Variants in GRIN2A observed in about 807,000 individuals in gnomAD.
The protein encoded by GRIN2A is glutamate ionotropic receptor NMDA type subunit 2A, also known as glutamate receptor ionotropic, NMDA 2A.
GRIN2A carries 22 observed loss-of-function variants against 113.4 expected under a neutral mutation model. That is an observed-to-expected ratio of 0.19 (90% CI 0.14 to 0.28). The LOEUF is 0.28. Among genes scored for constraint, GRIN2A ranks in the 10% least tolerant of loss-of-function variants. The probability of loss-of-function intolerance (pLI) is 1.00; values close to 1 mark genes in which losing one functional copy is unlikely to be tolerated. For synonymous variants in GRIN2A, 827 were observed against 738.4 expected (o/e 1.12, Z -1.94); for missense variants, 1,502 against 1,887.0 (o/e 0.80, Z 3.78).
chr16:9,830,296 A>G (rs1174063458), intron 8 of GRIN2A, among the ~76,000 whole-genome samples: 1 of 152,218 alleles, frequency 6.6e-6, no homozygotes, highest in African/African-American at 2.4e-5. Context: ...CACTGATGTC[A>G]TATCACAGCA....
chr16:10,152,493 C>T (rs2049602249), intron 2 of GRIN2A, among the ~76,000 whole-genome samples: 1 of 152,196 alleles, frequency 6.6e-6, no homozygotes, highest in African/African-American at 2.4e-5. Flanking sequence ...TCTATACATC[C>T]ACTGAGTCCA....
chr16:9,997,465 GA>G (rs1310642131), intron 2 of GRIN2A, among the ~76,000 whole-genome samples: 1 of 152,026 alleles, frequency 6.6e-6, no homozygotes, highest in Non-Finnish European at 1.5e-5. Context: ...CTTTCAATTT[GA>G]TTCATTTATA....
At chr16:9,825,554 AT>A (rs1268374481) in intron 9 of GRIN2A, among the ~76,000 whole-genome samples, 1 of 152,126 alleles carries the variant, frequency 6.6e-6, no homozygotes, top group African/African-American at 2.4e-5. Context: ...TAACCAAGAT[AT>A]TTTTTCTTTT....
intron 2 of GRIN2A, among the ~76,000 whole-genome samples, chr16:10,055,065 AAAAAAAAAAAAAAAAAAAAAG>A (rs2047425844): frequency 8.7e-5 from 7 of 80,504 alleles, no homozygotes; most frequent in African/African-American, 1.2e-4. Flanking sequence ...AAAAAAAAAA[AAAAAAAAAAAAAAAAAAAAAG>A]AAAAAAGAAA....
chr16:9,997,365 C>T (rs571567872), intron 2 of GRIN2A, among the ~76,000 whole-genome samples: 20 of 152,298 alleles, frequency 1.3e-4, no homozygotes, highest in South Asian at 4.2e-4. Context: ...GATTCTATCC[C>T]GGGGGATCTC....
intron 2 of GRIN2A, chr16:10,112,585 C>G: frequency 1.3e-6 from 1 of 770,696 alleles, no homozygotes; most frequent in South Asian, 1.3e-5. Flanking sequence ...TACTTCTTCT[C>G]AGACAGGGTG....
chr16:9,879,349 T>C (rs1028152755), intron 4 of GRIN2A, among the ~76,000 whole-genome samples: 2 of 152,274 alleles, frequency 1.3e-5, no homozygotes, highest in South Asian at 4.1e-4. Flanking sequence ...TTTACAGGCA[T>C]GGCAAAGCTC....
intron 2 of GRIN2A, chr16:10,033,765 C>T (rs1243361272): frequency 6.6e-6 from 1 of 152,324 alleles, no homozygotes; most frequent in Non-Finnish European, 1.5e-5. Flanking sequence ...GCAGTCAGTC[C>T]TCTCTGGAGC....
intron 2 of GRIN2A, among the ~76,000 whole-genome samples, chr16:10,174,719 A>G (rs1288821741): frequency 1.3e-5 from 2 of 152,202 alleles, no homozygotes. Flanking sequence ...TCAAAATAAT[A>G]GACCATCCAT....
rs1567277844 is a variant in GRIN2A at position 9,764,392 on chromosome 16, T to C, written c.3152A>G (p.Tyr1051Cys). ...NRTHSLKSPR[Y>C]LPEEMAHSDI... is the part of the protein sequence containing the mutation. ...AGAGTGGGCCATCTCTTCTGGAAGA[T>C]ACCTAGGGCTCTTTAGGGAGTGGGT... The change falls in exon 13 of 13, where the codon TAT (tyrosine) becomes TGT (cysteine). Residue 1051 changes from tyrosine to cysteine, a missense_variant. Physicochemically the swap from Tyr to Cys is radical, Grantham distance 194 (BLOSUM62 -2). This residue lies in a region of GRIN2A where 832 missense variants were observed against 789.7 expected (regional missense o/e 1.05). Transcript: ENST00000330684. 2 of 1,614,146 alleles carry C rather than the reference T, an allele frequency of 1.2e-6. No homozygotes were observed. Among genetic ancestry groups the C allele is most frequent in the Middle Eastern group, 1.6e-4 (1 of 6,062 alleles).
At chr16:10,081,331 G>C (rs775378217) in intron 2 of GRIN2A, among the ~76,000 whole-genome samples, 1 of 152,172 alleles carries the variant, frequency 6.6e-6, no homozygotes, top group African/African-American at 2.4e-5. Flanking sequence ...AAGCTATTGC[G>C]AAGTCAGTCT....
At chr16:9,897,780 G>C (rs990090487) in intron 3 of GRIN2A, among the ~76,000 whole-genome samples, 2 of 152,094 alleles carry the variant, frequency 1.3e-5, no homozygotes, top group African/African-American at 4.8e-5. Flanking sequence ...AGCTGTTCTA[G>C]ACTCTCTTTG....
intron 2 of GRIN2A, among the ~76,000 whole-genome samples, chr16:9,977,073 C>T (rs1255737425): frequency 6.6e-6 from 1 of 152,198 alleles, no homozygotes; most frequent in African/African-American, 2.4e-5. Context: ...TAATCTCTCA[C>T]CAGCCAGTTT....
At chr16:10,000,087 C>T (rs1292632509) in intron 2 of GRIN2A, among the ~76,000 whole-genome samples, 1 of 152,144 alleles carries the variant, frequency 6.6e-6, no homozygotes, top group African/African-American at 2.4e-5. Flanking sequence ...CTCTGACTCT[C>T]TCCCTCCTGC....
At chr16:10,083,600 C>T (rs1281035386) in intron 2 of GRIN2A, among the ~76,000 whole-genome samples, 1 of 152,354 alleles carries the variant, frequency 6.6e-6, no homozygotes, top group East Asian at 1.9e-4. Context: ...TTACCAAACA[C>T]GCTCATAGAG....
Position 9,921,992 on chromosome 16 carries a change from T to C in GRIN2A, c.1007+15967A>G, listed in dbSNP as rs147539137. On this transcript the variant is annotated intron_variant, in intron 3 of 12. Transcript: ENST00000330684. ...ATACGTTGTTACAACTAATAATATATTTTATCATTTTGAGGCAAATTTTAT... is the reference window on the plus strand; with the variant it reads ...ATACGTTGTTACAACTAATAATATACTTTATCATTTTGAGGCAAATTTTAT... Among the ~76,000 whole-genome samples, 520 of 152,332 alleles carry C rather than the reference T, an allele frequency of 3.4e-3. 4 individuals are homozygous for C. Among genetic ancestry groups the C allele is most frequent in the African/African-American group, 0.011 (476 of 41,568 alleles).
chr16:10,129,567 G>A (rs908568232), intron 2 of GRIN2A, among the ~76,000 whole-genome samples: 8 of 152,106 alleles, frequency 5.3e-5, no homozygotes, highest in African/African-American at 1.7e-4. Context: ...AAAGGTCCAG[G>A]GGAAGAAATT....
rs145602153 is a variant in GRIN2A, at chr16:9,823,797, G to T, written c.2008-1373C>A. Among the ~76,000 whole-genome samples the T allele has an allele frequency of 2.0e-3, 297 of 152,248 alleles. 2 individuals carry two copies. Among genetic ancestry groups the T allele is most frequent in the African/African-American group, 6.7e-3 (280 of 41,536 alleles). On this transcript the variant is annotated intron_variant, in intron 9 of 12. Transcript: ENST00000330684. Reference sequence around the variant, plus strand: ...TGGCCCAGAATTCAAACCCGGATGCGTCTGACCACAGGCTGAGGTCTTAAC... The same window carrying T: ...TGGCCCAGAATTCAAACCCGGATGCTTCTGACCACAGGCTGAGGTCTTAAC...
chr16:10,143,165 C>G (rs1431473795), intron 2 of GRIN2A, among the ~76,000 whole-genome samples: 1 of 152,164 alleles, frequency 6.6e-6, no homozygotes, highest in African/African-American at 2.4e-5. Context: ...CTGGTGTTTG[C>G]TCCAGGCACT....
Sources: allele counts gnomAD v4.1 joint callset (sites outside exome capture counted in the v4.1 genomes callset), GRCh38; gene constraint gnomAD v4.1.1; regional missense constraint gnomAD v4.1.1; transcripts MANE v1.5; gene names NCBI Gene and HGNC (gene_info 2026-07-23, HGNC 2026-07-21).